GCNA: variants seen among roughly 807,000 people sequenced by gnomAD.
GCNA encodes germ cell nuclear acidic protein.
In GCNA, 3 loss-of-function variants were observed where a neutral mutation model predicts 38.8. That is an observed-to-expected ratio of 0.08 (90% CI 0.04 to 0.20). The LOEUF (loss-of-function observed/expected upper bound fraction) is 0.20. Ranked by LOEUF, GCNA falls within the 10% of genes least tolerant of loss-of-function variation. GCNA has a pLI of 1.00. For synonymous variants in GCNA, 195 were observed against 240.2 expected (o/e 0.81, Z 1.74); for missense variants, 446 against 578.6 (o/e 0.77, Z 2.35).
chrX:71,579,147 C>T (rs192446160), intron 1 of GCNA, among the ~76,000 whole-genome samples: 2,469 of 83,416 alleles, frequency 0.03, 39 homozygotes, highest in Middle Eastern at 0.051. Flanking sequence ...GGTGGCGGCG[C>T]GGGGAGAAGT....
chrX:71,594,006 A>G lies in GCNA; in HGVS notation c.141-325A>G, dbSNP rs755676847. Among the ~76,000 whole-genome samples, 3 of 111,897 alleles carry G rather than the reference A, an allele frequency of 2.7e-5. No homozygotes were observed. In the Admixed American group the frequency reaches 2.8e-4, roughly 11 times the overall value. ...GGTGGGATTACAGGCGTGAGCCTCC[A>G]TGCCTGGCGTCTCTTTCATACCTTT... On this transcript the variant is annotated intron_variant, in intron 4 of 12. Coordinates refer to ENST00000373696, the MANE Select transcript of GCNA (RefSeq NM_052957.5).
At chrX:71,592,226 A>G in intron 3 of GCNA, 58 bp downstream of exon 3, 1 of 1,045,678 alleles carries the variant, frequency 9.6e-7, no homozygotes, top group Non-Finnish European at 1.3e-6. Context: ...GAGATGACTC[A>G]ACTGTGATTT....
intron 7 of GCNA, among the ~76,000 whole-genome samples, chrX:71,603,294 G>C (rs1246281985): frequency 8.9e-6 from 1 of 112,093 alleles, no homozygotes; most frequent in Non-Finnish European, 1.9e-5. Context: ...TTTTAGGATA[G>C]TTTTTTCTAG....
chrX:71,598,591 C>A (rs1347264774), intron 7 of GCNA, among the ~76,000 whole-genome samples: 1 of 110,743 alleles, frequency 9.0e-6, no homozygotes, highest in Non-Finnish European at 1.9e-5. Flanking sequence ...GAGCCTGTTT[C>A]CCGTGGCAGT....
chrX:71,586,768 C>A (rs1469649804), intron 2 of GCNA, among the ~76,000 whole-genome samples: 1 of 111,235 alleles, frequency 9.0e-6, no homozygotes, highest in Non-Finnish European at 1.9e-5. Context: ...TGCCACCACA[C>A]CTGGCTAATT....
At chrX:71,580,765 C>T in intron 1 of GCNA, 55 bp from the exon 2 acceptor site, 4 of 1,118,684 alleles carry the variant, frequency 3.6e-6, no homozygotes, top group Non-Finnish European at 4.8e-6. Context: ...TGAGCCACTG[C>T]GCCCGGCCGA....
intron 7 of GCNA, among the ~76,000 whole-genome samples, chrX:71,601,568 G>A (rs1259657588): frequency 9.3e-6 from 1 of 107,254 alleles, no homozygotes; most frequent in African/African-American, 3.4e-5. Flanking sequence ...TTTTTGCGAC[G>A]GAGTCTTGCT....
intron 2 of GCNA, among the ~76,000 whole-genome samples, chrX:71,590,807 C>T (rs983304115): frequency 1.6e-4 from 18 of 109,687 alleles, no homozygotes; most frequent in African/African-American, 6.0e-4. Context: ...CTCAGCCTCC[C>T]GAGTAGCTGG....
At chrX:71,606,609 A>C (rs539337955) in intron 9 of GCNA, among the ~76,000 whole-genome samples, 14 of 111,804 alleles carry the variant, frequency 1.3e-4, no homozygotes, top group African/African-American at 4.2e-4. Flanking sequence ...GGGGACAATA[A>C]GTGTATATTA....
chrX:71,597,127 C>G (rs2040677559), intron 6 of GCNA, among the ~76,000 whole-genome samples: 1 of 110,799 alleles, frequency 9.0e-6, no homozygotes, highest in Admixed American at 9.7e-5. Context: ...ACGACTTTGT[C>G]CCAGAAATCA....
intron 7 of GCNA, among the ~76,000 whole-genome samples, 198 bp from the exon 8 acceptor site, chrX:71,603,390 T>C (rs2040731674): frequency 8.9e-6 from 1 of 112,523 alleles, no homozygotes; most frequent in Admixed American, 9.4e-5. Flanking sequence ...TTTAACAATA[T>C]TGAGTCTTCC....
chrX:71,589,834 A>G (rs1342336854), intron 2 of GCNA, among the ~76,000 whole-genome samples: 2 of 109,646 alleles, frequency 1.8e-5, no homozygotes, highest in Non-Finnish European at 3.8e-5. Flanking sequence ...TTTTTAAGAC[A>G]GGGTCTCACT....
At chrX:71,610,375 A>ATCC (rs1183386214) in intron 10 of GCNA, among the ~76,000 whole-genome samples, 1 of 112,089 alleles carries the variant, frequency 8.9e-6, no homozygotes, top group Non-Finnish European at 1.9e-5. Flanking sequence ...GCACTTTGGG[A>ATCC]GACCAAGGCA....
At chrX:71,591,486 A>G (rs2040627943) in intron 2 of GCNA, among the ~76,000 whole-genome samples, 1 of 100,121 alleles carries the variant, frequency 1.0e-5, no homozygotes, top group Admixed American at 1.1e-4. Flanking sequence ...TTACCTAGAT[A>G]TCAATCCCAA....
chrX:71,582,831 T>G (rs1271687785), intron 2 of GCNA, among the ~76,000 whole-genome samples: 1 of 112,363 alleles, frequency 8.9e-6, no homozygotes, highest in Non-Finnish European at 1.9e-5. Context: ...CATGTTCATG[T>G]AATCATATAT....
At position 71,595,444 on chromosome X, in the gene GCNA, T is replaced by C. The variant is rs1303504351; in HGVS notation, c.221+665T>C. Among the ~76,000 whole-genome samples, 9 of 111,998 alleles carry C rather than the reference T, an allele frequency of 8.0e-5. No homozygotes were observed. In the Admixed American group the frequency reaches 8.5e-4, roughly 11 times the overall value. ...CCTCACCTTGATCTCTTACTTCTGA[T>C]CCAGTCGGTGTACCACTTGTAGTTG... is the stretch of plus-strand genomic sequence containing the variant. On this transcript the variant is annotated intron_variant, in intron 6 of 12. Coordinates refer to ENST00000373696, the MANE Select transcript of GCNA (RefSeq NM_052957.5).
At chrX:71,580,664 T>C (rs1048463978) in intron 1 of GCNA, 156 bp from the exon 2 acceptor site, 7 of 412,009 alleles carry the variant, frequency 1.7e-5, no homozygotes, top group African/African-American at 5.1e-5. Context: ...TTAATAGAGA[T>C]AGGGTTTCAC....
At chrX:71,591,283 A>G (rs2040626615) in intron 2 of GCNA, among the ~76,000 whole-genome samples, 1 of 111,077 alleles carries the variant, frequency 9.0e-6, no homozygotes, top group South Asian at 3.9e-4. Context: ...GGTGCTGCAT[A>G]ACTCTCTGGT....
At chrX:71,611,184 A>G (rs758884499) in intron 11 of GCNA, among the ~76,000 whole-genome samples, 1 of 111,991 alleles carries the variant, frequency 8.9e-6, no homozygotes, top group East Asian at 2.8e-4. Context: ...ACAGGCCCTC[A>G]TCCCTGCTCT....
Sources: allele counts gnomAD v4.1 joint callset (sites outside exome capture counted in the v4.1 genomes callset), GRCh38; gene constraint gnomAD v4.1.1; transcripts MANE v1.5; gene names NCBI Gene and HGNC (gene_info 2026-07-23, HGNC 2026-07-21).